The following ZFPM2 variants were observed in gnomAD, a reference collection of about 807,000 sequenced individuals.
ZFPM2 encodes the protein zinc finger protein, FOG family member 2, also known as zinc finger protein ZFPM2.
A neutral mutation model predicts 98.6 loss-of-function variants in ZFPM2; 20 were observed. That is an observed-to-expected ratio of 0.20 (90% CI 0.14 to 0.29). The LOEUF (loss-of-function observed/expected upper bound fraction) is 0.29. ZFPM2 is among the 10% of genes least tolerant of loss of function. ZFPM2 has a pLI of 1.00. For synonymous variants in ZFPM2, 518 were observed against 502.7 expected, an observed-to-expected ratio of 1.03 and a Z score of -0.41; for missense variants, 1,310 against 1,388.6, an observed-to-expected ratio of 0.94 and a Z score of 0.90.
intron 5 of ZFPM2, among the ~76,000 whole-genome samples, chr8:105,740,885 A>C (rs1408728857): frequency 6.6e-6 from 1 of 152,090 alleles, no homozygotes; most frequent in East Asian, 1.9e-4. Context: ...AGAGGTTTGC[A>C]ATTTCAGATA....
chr8:105,479,669 C>T (rs1486610571), intron 3 of ZFPM2, among the ~76,000 whole-genome samples: 3 of 152,136 alleles, frequency 2.0e-5, no homozygotes, highest in Non-Finnish European at 2.9e-5. Flanking sequence ...TCTATTTTTG[C>T]AGCTCATTGG....
chr8:105,661,823 T>C (rs1475559273), intron 5 of ZFPM2, among the ~76,000 whole-genome samples: 1 of 152,136 alleles, frequency 6.6e-6, no homozygotes, highest in Non-Finnish European at 1.5e-5. Flanking sequence ...GAATTTTCTG[T>C]TTAATGTACT....
intron 3 of ZFPM2, among the ~76,000 whole-genome samples, chr8:105,517,042 T>A (rs1268679748): frequency 6.6e-6 from 1 of 152,244 alleles, no homozygotes; most frequent in Non-Finnish European, 1.5e-5. Flanking sequence ...CACTTACTTG[T>A]TGACTTTTTT....
At chr8:105,547,135 C>G (rs1814725018) in intron 3 of ZFPM2, among the ~76,000 whole-genome samples, 1 of 152,116 alleles carries the variant, frequency 6.6e-6, no homozygotes. Context: ...TTTACTCTAG[C>G]TAAGAATTGT....
chr8:105,332,945 C>T (rs1812260529), intron 1 of ZFPM2, among the ~76,000 whole-genome samples: 1 of 151,696 alleles, frequency 6.6e-6, no homozygotes, highest in South Asian at 2.1e-4. Context: ...TTTTAAAGGG[C>T]TTTGTGTGCC....
chr8:105,662,295 G>A (rs1191524092), intron 5 of ZFPM2: 1 of 152,024 alleles, frequency 6.6e-6, no homozygotes, highest in African/African-American at 2.4e-5. Context: ...ACGAGAAGGG[G>A]GCATTTTTAC....
chr8:105,392,844 T>A (rs1469696550), intron 1 of ZFPM2, among the ~76,000 whole-genome samples: 5 of 152,202 alleles, frequency 3.3e-5, no homozygotes, highest in African/African-American at 1.2e-4. Context: ...TTGTATTAAA[T>A]TTTATCTTTT....
intron 3 of ZFPM2, among the ~76,000 whole-genome samples, chr8:105,469,332 A>G (rs774735402): frequency 1.2e-4 from 19 of 152,192 alleles, no homozygotes; most frequent in Admixed American, 2.6e-4. Flanking sequence ...TCCTGTAATG[A>G]TCTCTTCTGT....
intron 1 of ZFPM2, among the ~76,000 whole-genome samples, chr8:105,369,957 T>C (rs1810586668): frequency 6.6e-6 from 1 of 152,168 alleles, no homozygotes; most frequent in African/African-American, 2.4e-5. Flanking sequence ...GTGAATATTA[T>C]GTATTTCTTT....
At chr8:105,501,184 CTTT>C (rs147662695) in intron 3 of ZFPM2, among the ~76,000 whole-genome samples, 10 of 127,390 alleles carry the variant, frequency 7.8e-5, no homozygotes, top group Non-Finnish European at 8.6e-5. Flanking sequence ...TTACTTTTCT[CTTT>C]TTTTTTTTTT....
At chr8:105,790,425 C>G (rs1563566174) in intron 6 of ZFPM2, among the ~76,000 whole-genome samples, 2 of 152,162 alleles carry the variant, frequency 1.3e-5, no homozygotes, top group African/African-American at 2.4e-5. Context: ...TTTCTGAGGG[C>G]TCTGTTCTGT....
rs562995170 is a variant in ZFPM2 at position 105,575,160 on chromosome 8, A to C, written c.420+13679A>C. 3.9e-5 allele frequency among the ~76,000 whole-genome samples: 6 copies of C among 152,228 alleles called. No homozygotes were observed. The South Asian group carries it at 1.2e-3, about 32-fold the overall frequency. On this transcript the variant is annotated intron_variant, in intron 4 of 7. Transcript: ENST00000407775. ...ATTCCGGGAGGAGAAGGGGTGAGGG[A>C]GGAAGAGTGCGTGATGAAAGTCAAA... is the stretch of plus-strand genomic sequence containing the variant.
intron 5 of ZFPM2, among the ~76,000 whole-genome samples, chr8:105,681,840 T>C (rs1376315372): frequency 6.6e-6 from 1 of 152,164 alleles, no homozygotes; most frequent in Admixed American, 6.5e-5. Context: ...TGTGTCTTTT[T>C]TTTCAACACT....
intron 5 of ZFPM2, among the ~76,000 whole-genome samples, chr8:105,779,416 A>T (rs1206159532): frequency 6.6e-6 from 1 of 152,246 alleles, no homozygotes; most frequent in African/African-American, 2.4e-5. Flanking sequence ...CAGATAAATT[A>T]GAAAGAAACA....
At chr8:105,457,233 T>C (rs908252040) in intron 3 of ZFPM2, among the ~76,000 whole-genome samples, 1 of 151,876 alleles carries the variant, frequency 6.6e-6, no homozygotes, top group African/African-American at 2.4e-5. Context: ...GGTGTTATTA[T>C]ATCTTTGTCT....
chr8:105,768,939 C>G (rs1812920320), intron 5 of ZFPM2, among the ~76,000 whole-genome samples: 1 of 151,790 alleles, frequency 6.6e-6, no homozygotes, highest in South Asian at 2.1e-4. Context: ...AGAAACCCCC[C>G]CATGGTTCCT....
chr8:105,360,194 T>G (rs1031576384), intron 1 of ZFPM2, among the ~76,000 whole-genome samples: 1 of 152,208 alleles, frequency 6.6e-6, no homozygotes, highest in African/African-American at 2.4e-5. Flanking sequence ...ACCGAATTAT[T>G]ATCACTTCCA....
intron 4 of ZFPM2, 136 bp downstream of exon 4, chr8:105,561,617 C>G: frequency 1.4e-6 from 1 of 692,918 alleles, no homozygotes; most frequent in Non-Finnish European, 2.4e-6. Context: ...TCGTGGACAG[C>G]AAAACTTGGA....
At chr8:105,417,142 A>G (rs1466684208) in intron 1 of ZFPM2, among the ~76,000 whole-genome samples, 1 of 151,860 alleles carries the variant, frequency 6.6e-6, no homozygotes, top group Non-Finnish European at 1.5e-5. Context: ...GAGCCAGACC[A>G]TTTCTCAAAA....
Sources: allele counts gnomAD v4.1 joint callset (sites outside exome capture counted in the v4.1 genomes callset), GRCh38; gene constraint gnomAD v4.1.1; transcripts MANE v1.5; gene names NCBI Gene and HGNC (gene_info 2026-07-23, HGNC 2026-07-21).